BAZ2B: variants seen among roughly 807,000 people sequenced by gnomAD.
The protein encoded by BAZ2B is bromodomain adjacent to zinc finger domain 2B.
BAZ2B carries 91 observed loss-of-function variants against 246.0 expected under a neutral mutation model. The ratio of observed to expected loss-of-function variants is 0.37; its 90% CI spans 0.31 to 0.44. The LOEUF (loss-of-function observed/expected upper bound fraction) is 0.44. BAZ2B is among the 20% of genes least tolerant of loss of function. The pLI is 1.00. For synonymous variants in BAZ2B, 855 were observed against 860.0 expected (o/e 0.99, Z 0.10); for missense variants, 2,332 against 2,533.7 (o/e 0.92, Z 1.71).
chr2:159,483,016 G>T (rs1036743511), intron 2 of BAZ2B, among the ~76,000 whole-genome samples: 2 of 151,962 alleles, frequency 1.3e-5, no homozygotes, highest in Non-Finnish European at 2.9e-5. Flanking sequence ...TTCATCTTGG[G>T]TTCCAAATGA....
chr2:159,338,403 T>C (rs193286559), intron 31 of BAZ2B, among the ~76,000 whole-genome samples: 2 of 152,318 alleles, frequency 1.3e-5, no homozygotes, highest in Non-Finnish European at 2.9e-5. Context: ...ATAAATGTAA[T>C]TTTATAGTAG....
intron 22 of BAZ2B, 36 bp downstream of exon 22, chr2:159,386,317 C>G: frequency 1.3e-6 from 2 of 1,554,942 alleles, no homozygotes; most frequent in Non-Finnish European, 1.7e-6. Flanking sequence ...ACTGACAGTA[C>G]AAATTTAAAA....
At chr2:159,578,801 G>A (rs931658249) in intron 1 of BAZ2B, among the ~76,000 whole-genome samples, 3 of 152,106 alleles carry the variant, frequency 2.0e-5, no homozygotes, top group African/African-American at 4.8e-5. Context: ...CATGGAAACC[G>A]AACAACCTGC....
intron 1 of BAZ2B, among the ~76,000 whole-genome samples, chr2:159,589,738 A>C (rs1197057427): frequency 3.9e-5 from 6 of 152,214 alleles, no homozygotes; most frequent in Non-Finnish European, 7.3e-5. Flanking sequence ...TATAATCCAT[A>C]AACAAATATA....
At chr2:159,612,985 AT>A (rs1448427873) in intron 1 of BAZ2B, among the ~76,000 whole-genome samples, 2 of 152,126 alleles carry the variant, frequency 1.3e-5, no homozygotes, top group Non-Finnish European at 2.9e-5. Flanking sequence ...ATAAAAACAA[AT>A]TTCTACCAAG....
intron 1 of BAZ2B, among the ~76,000 whole-genome samples, chr2:159,588,031 A>G (rs1230092336): frequency 1.3e-5 from 2 of 152,016 alleles, no homozygotes; most frequent in Admixed American, 6.6e-5. Flanking sequence ...GGTCTCTACT[A>G]AAAATTACAC....
chr2:159,698,526 A>AC, the BAZ2B span, among the ~76,000 whole-genome samples: 1 of 145,462 alleles, frequency 6.9e-6, no homozygotes, highest in African/African-American at 2.7e-5. Flanking sequence ...AAAAAAAAAA[A>AC]AACAAAAAAA....
intron 1 of BAZ2B, among the ~76,000 whole-genome samples, chr2:159,575,548 A>C (rs1484805074): frequency 2.0e-5 from 3 of 152,202 alleles, no homozygotes; most frequent in Admixed American, 2.0e-4. Flanking sequence ...GATCCAAATG[A>C]AATTACAACT....
intron 4 of BAZ2B, among the ~76,000 whole-genome samples, chr2:159,449,591 A>G (rs1213589447): frequency 6.6e-6 from 1 of 152,212 alleles, no homozygotes; most frequent in Non-Finnish European, 1.5e-5. Flanking sequence ...TGCCAGTCTC[A>G]AAGGTCTAAA....
the BAZ2B span, among the ~76,000 whole-genome samples, chr2:159,656,448 T>G: frequency 6.6e-6 from 1 of 152,118 alleles, no homozygotes; most frequent in South Asian, 2.1e-4. Flanking sequence ...ACAGGATAGT[T>G]TCACGATTCT....
chr2:159,433,348 C>A lies in BAZ2B; in HGVS notation c.1309G>T (p.Ala437Ser). 1.2e-6 allele frequency: 2 copies of A among 1,612,082 alleles called. No individual in the cohort carries two copies. The highest frequency in any genetic ancestry group is 2.7e-5 in the African/African-American group (2 of 74,816). ...LRSKREQYKQ[A>S]FPSQLKKQES... The stretch of plus-strand genomic sequence containing the variant: ...TGTTTCTTTAACTGTGATGGGAATG[C>A]CTGTTTATATTGTTCCTGTTGAAAC... The change falls in exon 9 of 37, where the codon GCA (alanine) becomes TCA (serine). Residue 437 changes from alanine to serine, a missense_variant. Physicochemically the swap from Ala to Ser is moderately conservative, Grantham distance 99. This residue lies in a region of BAZ2B where 651 missense variants were observed against 650.9 expected (regional missense o/e 1.00). Transcript: ENST00000392783.
At chr2:159,554,301 T>C (rs2088770574) in intron 2 of BAZ2B, among the ~76,000 whole-genome samples, 1 of 152,172 alleles carries the variant, frequency 6.6e-6, no homozygotes, top group Non-Finnish European at 1.5e-5. Flanking sequence ...AAAGGTTTCA[T>C]TTAATGCTAA....
At chr2:159,480,273 A>T (rs895323678) in intron 2 of BAZ2B, among the ~76,000 whole-genome samples, 3 of 152,116 alleles carry the variant, frequency 2.0e-5, no homozygotes, top group Admixed American at 6.5e-5. Flanking sequence ...GAAGGGGTTT[A>T]AAAAAATTTG....
chr2:159,429,101 A>G lies in BAZ2B; in HGVS notation c.2255+99T>C. 3.8e-6 allele frequency: 3 copies of G among 793,022 alleles called. No homozygotes were observed. In the Admixed American group the frequency reaches 8.0e-5, roughly 21 times the overall value. The allele number at this position is 793,022 out of a possible 1,614,324, so 49.1% of individuals were successfully genotyped here. ...TCTAATAAATACTATGCAGCTATGT[A>G]CTTCTTCTATTAATTGTAGAGAATG... On this transcript the variant is annotated intron_variant, in intron 11 of 36. Coordinates refer to ENST00000392783, the MANE Select transcript of BAZ2B (RefSeq NM_013450.4).
chr2:159,315,546 G>C (rs2062025304), downstream of BAZ2B, among the ~76,000 whole-genome samples: 1 of 152,188 alleles, frequency 6.6e-6, no homozygotes, highest in African/African-American at 2.4e-5. Flanking sequence ...ATAGGGCTGG[G>C]CTGCTAAAGC....
chr2:159,592,336 G>A (rs1689588382), intron 1 of BAZ2B, among the ~76,000 whole-genome samples: 1 of 151,992 alleles, frequency 6.6e-6, no homozygotes, highest in Admixed American at 6.5e-5. Flanking sequence ...TATTTTTAGA[G>A]ACAGGGTCTT....
At chr2:159,396,992 C>T (rs2064121190) in intron 19 of BAZ2B, 1 of 1,133,416 alleles carries the variant, frequency 8.8e-7, no homozygotes, top group Non-Finnish European at 1.2e-6. Context: ...GCCAGTGCTA[C>T]ACTTTATGCA....
chr2:159,685,137 CTA>C, the BAZ2B span, among the ~76,000 whole-genome samples: 1 of 152,116 alleles, frequency 6.6e-6, no homozygotes, highest in African/African-American at 2.4e-5. Context: ...TCATAGGTCT[CTA>C]TGCTTTTCAT....
chr2:159,626,751 A>T, the BAZ2B span, among the ~76,000 whole-genome samples: 4 of 152,202 alleles, frequency 2.6e-5, no homozygotes, highest in African/African-American at 7.2e-5. Context: ...CATCACAATT[A>T]AAAGAACTAG....
Sources: gnomAD v4.1 joint callset for allele counts (sites outside exome capture counted in the v4.1 genomes callset) on GRCh38, gnomAD v4.1.1 for gene constraint, gnomAD v4.1.1 regional missense constraint, MANE v1.5 for transcripts, NCBI Gene and HGNC (gene_info 2026-07-23, HGNC 2026-07-21) for gene names.